Variants in MATCAP2 observed in about 807,000 individuals in gnomAD.
MATCAP2 encodes the protein putative tyrosine carboxypeptidase MATCAP2.
At chr7:36,336,230 C>G in the MATCAP2 span, 1 of 1,534,530 alleles carries the variant, frequency 6.5e-7, no homozygotes, top group African/African-American at 1.4e-5. Flanking sequence ...CAAGCTACCA[C>G]CAGTGGCTTG....
At chr7:36,371,572 T>C in the MATCAP2 span, among the ~76,000 whole-genome samples, 2 of 152,290 alleles carry the variant, frequency 1.3e-5, no homozygotes, top group East Asian at 3.9e-4. Context: ...AAGATCATTT[T>C]CTTTTTTGAA....
At chr7:36,354,108 C>T in the MATCAP2 span, among the ~76,000 whole-genome samples, 1 of 152,302 alleles carries the variant, frequency 6.6e-6, no homozygotes, top group South Asian at 2.1e-4. Context: ...CAAGTTTAAA[C>T]GTCTCTAAGA....
At chr7:36,346,626 G>A in the MATCAP2 span, among the ~76,000 whole-genome samples, 3 of 152,194 alleles carry the variant, frequency 2.0e-5, no homozygotes, top group Admixed American at 1.3e-4. Flanking sequence ...GGGCTGGAAG[G>A]TTGGTGAGAT....
At chr7:36,334,022 G>GTCTT in the MATCAP2 span, 1 of 1,613,992 alleles carries the variant, frequency 6.2e-7, no homozygotes, top group African/African-American at 1.3e-5. Context: ...ATAAAAAAGG[G>GTCTT]TCTTTTCTAA....
At chr7:36,357,648 AC>A in the MATCAP2 span, 257 of 1,272,180 alleles carry the variant, frequency 2.0e-4, 1 homozygote, top group African/African-American at 3.3e-3. Context: ...GATGAAGCAA[AC>A]TGTTTATTAG....
chr7:36,371,343 A>G, the MATCAP2 span, among the ~76,000 whole-genome samples: 172 of 152,150 alleles, frequency 1.1e-3, 3 homozygotes, highest in Middle Eastern at 0.031. Context: ...GAACTCCTGG[A>G]CTCAAGCAAT....
the MATCAP2 span, among the ~76,000 whole-genome samples, chr7:36,353,733 G>A: frequency 7.9e-5 from 12 of 152,006 alleles, no homozygotes; most frequent in Non-Finnish European, 1.5e-4. Context: ...CGCCTGCCTC[G>A]GACTCCCAAA....
At chr7:36,367,256 C>T in the MATCAP2 span, 4 of 1,070,764 alleles carry the variant, frequency 3.7e-6, no homozygotes, top group Non-Finnish European at 4.5e-6. Flanking sequence ...CCGGGGTCCG[C>T]GCGCGCTGCG....
the MATCAP2 span, among the ~76,000 whole-genome samples, chr7:36,338,384 A>C: frequency 6.6e-6 from 1 of 152,042 alleles, no homozygotes; most frequent in African/African-American, 2.4e-5. Context: ...TGTAGACTCA[A>C]CCTCCTGGCC....
chr7:36,346,405 AT>A, the MATCAP2 span, among the ~76,000 whole-genome samples: 99 of 152,378 alleles, frequency 6.5e-4, no homozygotes, highest in East Asian at 8.3e-3. Flanking sequence ...TATAAAAAAA[AT>A]AGAATGTAGT....
At chr7:36,347,227 T>C in the MATCAP2 span, among the ~76,000 whole-genome samples, 1 of 152,182 alleles carries the variant, frequency 6.6e-6, no homozygotes, top group Non-Finnish European at 1.5e-5. Context: ...AAAAGTTTTC[T>C]ATATAAAACT....
chr7:36,345,224 A>T, the MATCAP2 span, among the ~76,000 whole-genome samples: 32 of 152,226 alleles, frequency 2.1e-4, no homozygotes, highest in Non-Finnish European at 4.4e-4. Flanking sequence ...CATTGAACAA[A>T]AAAACCCATA....
At chr7:36,359,501 A>G in the MATCAP2 span, among the ~76,000 whole-genome samples, 2 of 152,222 alleles carry the variant, frequency 1.3e-5, no homozygotes, top group East Asian at 3.8e-4. Context: ...TACATTTTCT[A>G]GGCCAGCATG....
At chr7:36,335,492 A>T in the MATCAP2 span, among the ~76,000 whole-genome samples, 6 of 152,222 alleles carry the variant, frequency 3.9e-5, no homozygotes, top group East Asian at 1.9e-4. Flanking sequence ...ATGCAGAAGA[A>T]GATACAGGTG....
chr7:36,364,935 C>T, the MATCAP2 span, among the ~76,000 whole-genome samples: 1 of 152,154 alleles, frequency 6.6e-6, no homozygotes, highest in African/African-American at 2.4e-5. Context: ...CTTTATTGTA[C>T]TATAGAAATT....
the MATCAP2 span, chr7:36,324,519 A>G: frequency 1.3e-5 from 2 of 152,324 alleles, no homozygotes; most frequent in South Asian, 4.1e-4. Flanking sequence ...TAAAATTAAT[A>G]CAATCTTCAA....
the MATCAP2 span, among the ~76,000 whole-genome samples, chr7:36,360,554 G>A: frequency 6.6e-6 from 1 of 152,114 alleles, no homozygotes; most frequent in Admixed American, 6.5e-5. Context: ...ATGCTGGATA[G>A]CCCATGAAGT....
the MATCAP2 span, chr7:36,357,007 G>C: frequency 1.2e-6 from 2 of 1,614,054 alleles, no homozygotes; most frequent in Non-Finnish European, 1.7e-6. Context: ...CAGATTTGAA[G>C]AATCTCAGTT....
At chr7:36,342,917 C>T in the MATCAP2 span, among the ~76,000 whole-genome samples, 8 of 152,244 alleles carry the variant, frequency 5.3e-5, no homozygotes, top group Middle Eastern at 3.4e-3. Context: ...TGAGCCACTG[C>T]GCCCAGCCAC....
Sources: gnomAD v4.1 joint callset for allele counts (sites outside exome capture counted in the v4.1 genomes callset) on GRCh38, gnomAD v4.1.1 for gene constraint, MANE v1.5 for transcripts, NCBI Gene and HGNC (gene_info 2026-07-23, HGNC 2026-07-21) for gene names.